TBC1D9B: variants seen among roughly 807,000 people sequenced by gnomAD.
TBC1D9B encodes TBC1 domain family, member 9B (with GRAM domain).
A neutral mutation model predicts 121.1 loss-of-function variants in TBC1D9B; 87 were observed. The observed-to-expected ratio is 0.72, with a 90% confidence interval of 0.60 to 0.86. The LOEUF is 0.86. Ranked by LOEUF, TBC1D9B falls within the 40% of genes least tolerant of loss-of-function variation. The pLI, the probability that TBC1D9B is intolerant of heterozygous loss-of-function variation, is 0.00. For synonymous variants in TBC1D9B, 668 were observed against 670.1 expected, an observed-to-expected ratio of 1.00 and a Z score of 0.05; for missense variants, 1,540 against 1,628.6, an observed-to-expected ratio of 0.95 and a Z score of 0.94.
In TBC1D9B at chr5:179,879,776, G is replaced by A; in HGVS notation, c.1268C>T (p.Pro423Leu). 6.2e-7 allele frequency: 1 copy of A among 1,611,592 alleles called. No individual in the cohort carries two copies. Among genetic ancestry groups the A allele is most frequent in the Non-Finnish European group, 8.5e-7 (1 of 1,178,886 alleles). Residue 423 changes from proline (P) to leucine (L), a missense_variant, in exon 8 of 21, where the codon CCT (proline) becomes CTT (leucine). By Grantham distance (98) the Pro-to-Leu change is moderately conservative. Coordinates refer to ENST00000355235, the MANE Select transcript of TBC1D9B (RefSeq NM_015043.4). ...GGCGGGCTGCTCCGACCCCTCCTGAGGAGCTGGGGAAGACTAGAAAATAAA... is the reference window on the plus strand; with the variant it reads ...GGCGGGCTGCTCCGACCCCTCCTGAAGAGCTGGGGAAGACTAGAAAATAAA... ...VDPSTESSPA[P>L]QEGSEQPASP...
chr5:179,867,454 C>T (rs1261825206), intron 18 of TBC1D9B: 10 of 1,556,666 alleles, frequency 6.4e-6, no homozygotes, highest in Non-Finnish European at 8.7e-6. Flanking sequence ...CCTTGAGCCT[C>T]CCAGGGCAGG....
At chr5:179,906,209 G>A (rs1043430096) in intron 1 of TBC1D9B, among the ~76,000 whole-genome samples, 3 of 152,162 alleles carry the variant, frequency 2.0e-5, no homozygotes, top group African/African-American at 7.2e-5. Flanking sequence ...AGGAGGCCAC[G>A]ATGCCCATGA....
At position 179,885,852 on chromosome 5, in the gene TBC1D9B, C is replaced by T. The variant is rs952818588; in HGVS notation, c.1254+2251G>A. ...ATGACTCTTCACTGGCTTCCCCTCT[C>T]ACCTGAAGTCAAAGCTGCAGCACTC... On this transcript the variant is annotated intron_variant, in intron 7 of 20. Transcript: ENST00000355235. The surrounding 1 kb of genome is among the most constrained non-coding windows in gnomAD (Gnocchi z 4.5). 1.4e-4 allele frequency among the ~76,000 whole-genome samples: 22 copies of T among 152,196 alleles called. No homozygotes were observed. The highest frequency in any genetic ancestry group is 5.3e-4 in the African/African-American group (22 of 41,444).
At chr5:179,871,596 C>G in intron 14 of TBC1D9B, 66 bp from the exon 15 acceptor site, 1 of 1,549,608 alleles carries the variant, frequency 6.5e-7, no homozygotes, top group Non-Finnish European at 8.9e-7. Flanking sequence ...GTACGGCACT[C>G]TGTGAGAGCA....
Position 179,891,493 on chromosome 5 carries a change from C to T in TBC1D9B, c.930G>A (p.Leu310=). 6.2e-7 allele frequency: 1 copy of T among 1,614,186 alleles called. No homozygotes were observed. The highest frequency in any genetic ancestry group is 1.3e-5 in the African/African-American group (1 of 75,068). Residue 310 remains leucine (L), a synonymous_variant, in exon 6 of 21, where the codon CTG becomes CTA. Coordinates refer to ENST00000355235, the MANE Select transcript of TBC1D9B (RefSeq NM_015043.4). The surrounding 1 kb of genome is among the most constrained non-coding windows in gnomAD (Gnocchi z 4.3). ...ERLDGHTSCT[L]WTPFNKLHIP... ...TGTGCAGCTTGTTGAACGGCGTCCA[C>T]AGGGTGCAGCTTGTGTGGCCGTCTA...
intron 1 of TBC1D9B, among the ~76,000 whole-genome samples, chr5:179,906,495 ACTGGCGCGCTGATGACACC>A (rs1761319715): frequency 6.6e-6 from 1 of 151,134 alleles, no homozygotes; most frequent in African/African-American, 2.5e-5. Flanking sequence ...AATATGACAC[ACTGGCGCGCTGATGACACC>A]CTGGCGCGCT....
chr5:179,864,071 C>A lies in TBC1D9B; in HGVS notation c.3079G>T (p.Glu1027Ter), dbSNP rs1174753054. Residue 1027 changes from glutamate (E) to a stop codon, truncating the protein, a stop_gained, in exon 21 of 21, where the codon GAG (glutamate) becomes TAG (stop). Coordinates refer to ENST00000355235, the MANE Select transcript of TBC1D9B (RefSeq NM_015043.4). LOFTEE classifies it low-confidence loss of function (END_TRUNC). ...LYNMFSEDPM[E>*]QDLYHAIATV... Reference sequence around the variant, plus strand: ...GCGATGGCGTGGTACAGGTCCTGCTCCATGGGGTCTTCACTGAACATGTTG... The same window carrying A: ...GCGATGGCGTGGTACAGGTCCTGCTACATGGGGTCTTCACTGAACATGTTG... 6.2e-7 allele frequency: 1 copy of A among 1,613,628 alleles called. No individual in the cohort carries two copies. The highest frequency in any genetic ancestry group is 8.5e-7 in the Non-Finnish European group (1 of 1,180,016).
In TBC1D9B at chr5:179,885,585, TC is replaced by T. The variant is rs150215348; in HGVS notation, c.1254+2517del. On this transcript the variant is annotated intron_variant, in intron 7 of 20. Transcript: ENST00000355235. This position sits in a 1 kb window ranked among gnomAD's most constrained non-coding sequence, Gnocchi z 4.5. The stretch of plus-strand genomic sequence containing the variant: ...GCCTAGGTGACAGAGCAAGACTCTG[TC>T]CCCCCCCCAAAAAAAAAAAGATGGA... Among the ~76,000 whole-genome samples, 9,880 of 115,214 alleles carry T rather than the reference TC, an allele frequency of 0.086. 1,020 individuals carry two copies. Among genetic ancestry groups the T allele is most frequent in the African/African-American group, 0.27 (9,123 of 34,272 alleles). The allele number at this position is 115,214 out of a possible 152,430, so 75.6% of individuals were successfully genotyped here. A position where few individuals can be genotyped will look rare whatever the true frequency, so the allele number is the denominator to read the frequency against.
intron 7 of TBC1D9B, among the ~76,000 whole-genome samples, chr5:179,882,376 C>A (rs75283192): frequency 0.048 from 7,344 of 152,108 alleles, 604 homozygotes; most frequent in African/African-American, 0.17. Flanking sequence ...TCAATGCTAC[C>A]ACCAGTCGTT....
At position 179,904,197 on chromosome 5, in the gene TBC1D9B, G is replaced by C. The variant is rs1761237814; in HGVS notation, c.229+505C>G. ...CCATGGGGCTGTCCTCTCCTGCCCT[G>C]TCCCCATGACCAGTGGAGCTGCCTT... On this transcript the variant is annotated intron_variant, in intron 2 of 20. Coordinates refer to ENST00000355235, the MANE Select transcript of TBC1D9B (RefSeq NM_015043.4). The surrounding 1 kb of genome is among the most constrained non-coding windows in gnomAD (Gnocchi z 4.2). 6.8e-6 allele frequency among the ~76,000 whole-genome samples: 1 copy of C among 147,422 alleles called. No individual in the cohort carries two copies. Among genetic ancestry groups the C allele is most frequent in the Admixed American group, 6.8e-5 (1 of 14,772 alleles).
intron 20 of TBC1D9B, among the ~76,000 whole-genome samples, chr5:179,864,579 G>C (rs1026914459): frequency 6.6e-5 from 10 of 152,128 alleles, no homozygotes; most frequent in Non-Finnish European, 1.5e-4. Flanking sequence ...GCTGGGGAGG[G>C]GGATCCTGGG....
chr5:179,876,119 C>T (rs1190652764), intron 10 of TBC1D9B, 82 bp from the exon 11 acceptor site: 1 of 1,088,472 alleles, frequency 9.2e-7, no homozygotes, highest in African/African-American at 1.6e-5. Flanking sequence ...CTCCCAGCCA[C>T]CCCTCCCTGC....
intron 7 of TBC1D9B, 147 bp downstream of exon 7, chr5:179,887,955 AG>A: frequency 1.1e-6 from 1 of 942,828 alleles, no homozygotes; most frequent in Non-Finnish European, 1.7e-6. Context: ...GGTCTGGGCT[AG>A]GGGTCTCTTG....
chr5:179,879,111 C>T lies in TBC1D9B; in HGVS notation c.1503G>A (p.Thr501=), dbSNP rs775215177. 5.0e-5 allele frequency: 81 copies of T among 1,607,850 alleles called. No homozygotes were observed. The highest frequency in any genetic ancestry group is 6.4e-5 in the Non-Finnish European group (75 of 1,179,956). ...RGVCMYRTAK[T]RALVLKGIPE... ...GGATACCCTTCAGGACCAGTGCCCG[C>T]GTCTTGGCTGTGCGGTACATGCACA... Residue 501 remains threonine (T), a synonymous_variant, in exon 9 of 21, where the codon ACG becomes ACA. Transcript: ENST00000355235.
rs761760972 is a variant in TBC1D9B, at chr5:179,865,292, G to A, written c.2983C>T (p.Gln995Ter). The A allele has an allele frequency of 3.7e-6, 6 of 1,614,164 alleles. No homozygotes were observed. Among genetic ancestry groups the A allele is most frequent in the Non-Finnish European group, 5.1e-6 (6 of 1,180,038 alleles). ...GGAAGATCCTTAATCGTCTCCTTCTGAGCCTCTTTCTCCTTGGCCCACATT... is the reference window on the plus strand; with the variant it reads ...GGAAGATCCTTAATCGTCTCCTTCTAAGCCTCTTTCTCCTTGGCCCACATT... The part of the protein sequence containing the change: ...LRMWAKEKEA[Q>*]KETIKDLPKM... The change falls in exon 20 of 21, where the codon CAG becomes TAG. Residue 995 changes from glutamine to a stop codon, truncating the protein, a stop_gained. Transcript: ENST00000355235. LOFTEE classifies it low-confidence loss of function (END_TRUNC). The surrounding 1 kb of genome is among the most constrained non-coding windows in gnomAD (Gnocchi z 5.1).
chr5:179,873,367 G>A, intron 12 of TBC1D9B, 119 bp from the exon 13 acceptor site: 2 of 1,394,020 alleles, frequency 1.4e-6, no homozygotes, highest in Non-Finnish European at 1.9e-6. Flanking sequence ...GGAGTGTGCA[G>A]AGGACTGGGC....
intron 7 of TBC1D9B, among the ~76,000 whole-genome samples, chr5:179,882,605 A>C (rs1413350960): frequency 5.9e-5 from 9 of 152,104 alleles, no homozygotes; most frequent in African/African-American, 2.2e-4. Flanking sequence ...GCACTCTGGG[A>C]GGCTGAGGCA....
At chr5:179,882,699 A>G (rs906573150) in intron 7 of TBC1D9B, among the ~76,000 whole-genome samples, 1 of 152,058 alleles carries the variant, frequency 6.6e-6, no homozygotes, top group African/African-American at 2.4e-5. Context: ...AAAATACAAA[A>G]ATTAGCCAGG....
At chr5:179,881,587 T>C (rs1396785559) in intron 7 of TBC1D9B, among the ~76,000 whole-genome samples, 1 of 152,198 alleles carries the variant, frequency 6.6e-6, no homozygotes, top group Non-Finnish European at 1.5e-5. Flanking sequence ...TATGTTAAAC[T>C]TCAATTAAAA....
Sources: gnomAD v4.1 joint callset for allele counts (sites outside exome capture counted in the v4.1 genomes callset) on GRCh38, gnomAD v4.1.1 for gene constraint, Gnocchi (gnomAD v3.1) non-coding constraint, MANE v1.5 for transcripts, NCBI Gene and HGNC (gene_info 2026-07-23, HGNC 2026-07-21) for gene names.